TRIM44: variants seen among roughly 807,000 people sequenced by gnomAD.
TRIM44 encodes the protein tripartite motif-containing protein 44.
A neutral mutation model predicts 37.4 loss-of-function variants in TRIM44; 13 were observed. The ratio of observed to expected loss-of-function variants is 0.35; its 90% CI spans 0.23 to 0.55. The LOEUF is 0.55. Among genes scored for constraint, TRIM44 ranks in the 20% least tolerant of loss-of-function variants. The pLI is 0.89. For synonymous variants in TRIM44, 175 were observed against 157.2 expected, an observed-to-expected ratio of 1.11 and a Z score of -0.85; for missense variants, 426 against 437.2, an observed-to-expected ratio of 0.97 and a Z score of 0.23.
At chr11:35,801,513 C>A (rs938804205) in intron 4 of TRIM44, among the ~76,000 whole-genome samples, 1 of 152,142 alleles carries the variant, frequency 6.6e-6, no homozygotes, top group Non-Finnish European at 1.5e-5. Context: ...CCCTTTATGC[C>A]CCTAAAGCTC....
chr11:35,776,317 A>G (rs1339432260), intron 4 of TRIM44, among the ~76,000 whole-genome samples: 1 of 152,052 alleles, frequency 6.6e-6, no homozygotes, highest in Non-Finnish European at 1.5e-5. Context: ...CCTCTTCATC[A>G]TTTTTTATTG....
At position 35,763,951 on chromosome 11, in the gene TRIM44, AG is replaced by A. The variant is rs369094514; in HGVS notation, c.1007+28507del. 1.7e-3 allele frequency among the ~76,000 whole-genome samples: 260 copies of A among 152,234 alleles called. 1 individual carries two copies. Among genetic ancestry groups the A allele is most frequent in the African/African-American group, 6.0e-3 (248 of 41,540 alleles). On this transcript the variant is annotated intron_variant, in intron 4 of 4. Transcript: ENST00000299413. ...CTTGGCATCTTTATATGCTTCCATTAGCATATTTTGCAGTATGATAACATCT... is the reference window on the plus strand; with the variant it reads ...CTTGGCATCTTTATATGCTTCCATTACATATTTTGCAGTATGATAACATCT...
chr11:35,810,967 G>C lies in TRIM44; in HGVS notation c.*4582G>C, dbSNP rs750120869. 3 of 152,136 alleles carry C rather than the reference G, an allele frequency of 2.0e-5. No individual in the cohort carries two copies. Among genetic ancestry groups the C allele is most frequent in the Admixed American group, 1.3e-4 (2 of 15,278 alleles). 9.4% of individuals were successfully genotyped at this position (152,136 alleles called of 1,614,324 possible). ...TCATTTTCATACTGTAAATTATTTT[G>C]TAAGAGAGATTTACTGCTATCCCAG... On this transcript the variant is annotated 3_prime_UTR_variant, in exon 5 of 5. Coordinates refer to ENST00000299413, the MANE Select transcript of TRIM44 (RefSeq NM_017583.6).
chr11:35,806,092 G>C lies in TRIM44; in HGVS notation c.1008-266G>C, dbSNP rs145483133. Among the ~76,000 whole-genome samples, 279 of 152,248 alleles carry C rather than the reference G, an allele frequency of 1.8e-3. 2 individuals carry two copies. Among genetic ancestry groups the C allele is most frequent in the African/African-American group, 6.5e-3 (268 of 41,524 alleles). On this transcript the variant is annotated intron_variant, in intron 4 of 4. Coordinates refer to ENST00000299413, the MANE Select transcript of TRIM44 (RefSeq NM_017583.6). The stretch of plus-strand genomic sequence containing the variant: ...TAGCTGCTCACGTACTGTATACCAG[G>C]TACTGTGCATTTTATATGTATTCTC...
intron 4 of TRIM44, among the ~76,000 whole-genome samples, chr11:35,804,151 TAATC>T (rs1259074265): frequency 6.6e-6 from 1 of 152,160 alleles, no homozygotes; most frequent in African/African-American, 2.4e-5. Context: ...GCAAATGAAG[TAATC>T]AATAAATGAT....
In TRIM44 at chr11:35,814,158, C is replaced by T. The variant is rs552292552; in HGVS notation, c.*7773C>T. On this transcript the variant is annotated 3_prime_UTR_variant, in exon 5 of 5. Coordinates refer to ENST00000299413, the MANE Select transcript of TRIM44 (RefSeq NM_017583.6). ...GGAGCATAATAAAAAGAAACTGGACCTCAGCGCAAGTTGAGTGTTACACAA... is the reference window on the plus strand; with the variant it reads ...GGAGCATAATAAAAAGAAACTGGACTTCAGCGCAAGTTGAGTGTTACACAA... 5 of 152,282 alleles carry T rather than the reference C, an allele frequency of 3.3e-5. No individual in the cohort carries two copies. Among genetic ancestry groups the T allele is most frequent in the African/African-American group, 1.2e-4 (5 of 41,542 alleles). 9.4% of individuals were successfully genotyped at this position (152,282 alleles called of 1,614,324 possible).
At chr11:35,696,203 G>C (rs1483377417) in intron 2 of TRIM44, among the ~76,000 whole-genome samples, 1 of 150,688 alleles carries the variant, frequency 6.6e-6, no homozygotes, top group African/African-American at 2.4e-5. Context: ...GAGTGCAGTG[G>C]TGCAATCTCA....
At chr11:35,759,769 C>A (rs900960114) in intron 4 of TRIM44, among the ~76,000 whole-genome samples, 7 of 152,186 alleles carry the variant, frequency 4.6e-5, no homozygotes, top group Non-Finnish European at 1.0e-4. Context: ...CACTCCAGAC[C>A]CTGTTTGCCT....
At chr11:35,677,326 A>G (rs1851469690) in intron 1 of TRIM44, among the ~76,000 whole-genome samples, 1 of 151,968 alleles carries the variant, frequency 6.6e-6, no homozygotes, top group Admixed American at 6.6e-5. Flanking sequence ...CATTTAATAG[A>G]TGAATACTTT....
At chr11:35,669,623 C>T (rs1486293610) in intron 1 of TRIM44, among the ~76,000 whole-genome samples, 1 of 151,874 alleles carries the variant, frequency 6.6e-6, no homozygotes, top group Non-Finnish European at 1.5e-5. Context: ...CTGCAGGCGC[C>T]CACCACCATG....
At chr11:35,705,506 T>C (rs984794576) in intron 2 of TRIM44, among the ~76,000 whole-genome samples, 13 of 152,256 alleles carry the variant, frequency 8.5e-5, no homozygotes, top group African/African-American at 3.1e-4. Context: ...GACCACATAG[T>C]GGGAAGTAAA....
At chr11:35,726,545 C>G (rs1458097739) in intron 3 of TRIM44, among the ~76,000 whole-genome samples, 2 of 151,916 alleles carry the variant, frequency 1.3e-5, no homozygotes, top group Non-Finnish European at 2.9e-5. Context: ...ATAAAGCAGG[C>G]CAGAATGAAA....
chr11:35,672,593 G>A lies in TRIM44; in HGVS notation c.669+8813G>A, dbSNP rs16927835. Reference sequence around the variant, plus strand: ...ATATTTGGGGAGAATGTTTGGTTAAGTGATAAGCGGAACAACTGCTTGGGG... The same window carrying A: ...ATATTTGGGGAGAATGTTTGGTTAAATGATAAGCGGAACAACTGCTTGGGG... On this transcript the variant is annotated intron_variant, in intron 1 of 4. Coordinates refer to ENST00000299413, the MANE Select transcript of TRIM44 (RefSeq NM_017583.6). Among the ~76,000 whole-genome samples, 1,166 of 152,298 alleles carry A rather than the reference G, an allele frequency of 7.7e-3. 31 individuals carry two copies. The highest frequency in any genetic ancestry group is 0.061 in the East Asian group (317 of 5,188).
chr11:35,789,310 A>C (rs72932146), intron 4 of TRIM44, among the ~76,000 whole-genome samples: 8,009 of 152,198 alleles, frequency 0.053, 301 homozygotes, highest in Non-Finnish European at 0.075. Context: ...TGGGACTGAG[A>C]ATGTGAGAGC....
intron 4 of TRIM44, among the ~76,000 whole-genome samples, chr11:35,783,682 G>C (rs1461437271): frequency 6.6e-6 from 1 of 152,162 alleles, no homozygotes; most frequent in Non-Finnish European, 1.5e-5. Context: ...TTGTGTTCAT[G>C]TAGCAGATAG....
chr11:35,667,714 C>T (rs1292727054), intron 1 of TRIM44, among the ~76,000 whole-genome samples: 1 of 152,086 alleles, frequency 6.6e-6, no homozygotes, highest in Non-Finnish European at 1.5e-5. Context: ...TGTGTTTCTG[C>T]AAATATAGGT....
chr11:35,778,462 G>C (rs1210103632), intron 4 of TRIM44, among the ~76,000 whole-genome samples: 1 of 152,128 alleles, frequency 6.6e-6, no homozygotes. Flanking sequence ...CTTCTCTCAA[G>C]TCGTCAAAGT....
chr11:35,758,689 G>C (rs1852681789), intron 4 of TRIM44, among the ~76,000 whole-genome samples: 1 of 152,080 alleles, frequency 6.6e-6, no homozygotes, highest in Non-Finnish European at 1.5e-5. Context: ...TTTTAGGGCA[G>C]GCTTGTTGGT....
intron 3 of TRIM44, among the ~76,000 whole-genome samples, chr11:35,728,715 A>G (rs892161814): frequency 1.3e-5 from 2 of 152,182 alleles, no homozygotes; most frequent in African/African-American, 4.8e-5. Context: ...ATTCAGCCAT[A>G]AGACCTTCCC....
Sources: gnomAD v4.1 joint callset for allele counts (sites outside exome capture counted in the v4.1 genomes callset) on GRCh38, gnomAD v4.1.1 for gene constraint, MANE v1.5 for transcripts, NCBI Gene and HGNC (gene_info 2026-07-23, HGNC 2026-07-21) for gene names.